The following FAM13C variants were observed in gnomAD, a reference collection of about 807,000 sequenced individuals.
The protein encoded by FAM13C is protein FAM13C.
Under a neutral mutation model 73.2 loss-of-function variants are expected in FAM13C, and 37 were observed. The observed-to-expected ratio is 0.51, with a 90% CI of 0.39 to 0.67. The LOEUF (loss-of-function observed/expected upper bound fraction) is 0.67. Among genes scored for constraint, FAM13C ranks in the 30% least tolerant of loss-of-function variants. The probability of loss-of-function intolerance (pLI) is 0.00; values close to 1 mark genes in which losing one functional copy is unlikely to be tolerated. For synonymous variants in FAM13C, 246 were observed against 260.9 expected, an observed-to-expected ratio of 0.94 and a Z score of 0.55; for missense variants, 589 against 715.6, an observed-to-expected ratio of 0.82 and a Z score of 2.02.
chr10:59,344,504 G>A (rs540220278), intron 3 of FAM13C, among the ~76,000 whole-genome samples: 21 of 150,900 alleles, frequency 1.4e-4, no homozygotes, highest in African/African-American at 2.0e-4. Flanking sequence ...GAATGGTCTC[G>A]ATCTCCTGAC....
At chr10:59,306,421 T>C (rs1210426003) in intron 4 of FAM13C, among the ~76,000 whole-genome samples, 1 of 152,218 alleles carries the variant, frequency 6.6e-6, no homozygotes, top group African/African-American at 2.4e-5. Context: ...GTCTACTGTG[T>C]GCCTGGTCCA....
intron 3 of FAM13C, among the ~76,000 whole-genome samples, chr10:59,345,630 A>G (rs1854198116): frequency 6.6e-6 from 1 of 152,184 alleles, no homozygotes; most frequent in East Asian, 1.9e-4. Flanking sequence ...AATCTGATAG[A>G]CCACAGGAAA....
At chr10:59,290,992 C>A (rs1005913732) in intron 5 of FAM13C, among the ~76,000 whole-genome samples, 1 of 152,146 alleles carries the variant, frequency 6.6e-6, no homozygotes, top group Non-Finnish European at 1.5e-5. Context: ...GTGCCCATTC[C>A]AGAGATTCTG....
intron 3 of FAM13C, among the ~76,000 whole-genome samples, chr10:59,325,893 A>G (rs1341344572): frequency 1.3e-5 from 2 of 152,170 alleles, no homozygotes; most frequent in African/African-American, 4.8e-5. Flanking sequence ...TCACATTTCT[A>G]TACTAATAGC....
At chr10:59,258,420 C>T (rs922532765) in intron 10 of FAM13C, among the ~76,000 whole-genome samples, 1 of 152,154 alleles carries the variant, frequency 6.6e-6, no homozygotes, top group Non-Finnish European at 1.5e-5. Flanking sequence ...GAGTTCATGG[C>T]TGCAGTGAGC....
At chr10:59,330,155 T>C (rs141835889) in intron 3 of FAM13C, among the ~76,000 whole-genome samples, 102 of 152,324 alleles carry the variant, frequency 6.7e-4, no homozygotes, top group African/African-American at 2.3e-3. Context: ...ATTGCATTAA[T>C]TCGAGTTGTT....
At chr10:59,339,923 C>T (rs1286231540) in intron 3 of FAM13C, among the ~76,000 whole-genome samples, 2 of 152,172 alleles carry the variant, frequency 1.3e-5, no homozygotes, top group Non-Finnish European at 2.9e-5. Flanking sequence ...TGAAGATAGG[C>T]TTTTTAGTCT....
At chr10:59,268,226 A>G (rs540419813) in intron 8 of FAM13C, among the ~76,000 whole-genome samples, 15 of 151,210 alleles carry the variant, frequency 9.9e-5, no homozygotes, top group Non-Finnish European at 1.5e-4. Flanking sequence ...GAAAAAAGAA[A>G]AAGAAGAAGA....
intron 6 of FAM13C, among the ~76,000 whole-genome samples, chr10:59,281,924 T>C (rs1844966071): frequency 6.6e-6 from 1 of 152,264 alleles, no homozygotes; most frequent in Non-Finnish European, 1.5e-5. Flanking sequence ...TTATGTGTTT[T>C]GTATTAAATA....
chr10:59,289,465 G>A (rs969685050), intron 5 of FAM13C, among the ~76,000 whole-genome samples: 1 of 152,178 alleles, frequency 6.6e-6, no homozygotes, highest in Admixed American at 6.5e-5. Flanking sequence ...TGCAGAGTTC[G>A]TGTCCACCTT....
chr10:59,266,669 A>G lies in FAM13C; in HGVS notation c.942+1884T>C, dbSNP rs1002036676. Among the ~76,000 whole-genome samples, 9 of 152,244 alleles carry G rather than the reference A, an allele frequency of 5.9e-5. No individual in the cohort carries two copies. In the South Asian group the frequency reaches 1.2e-3, roughly 21 times the overall value. ...TCCTTCCATATGTGTATTTAAGTCT[A>G]TGTTTGTGTGTGTGTACATGTGTGT... On this transcript the variant is annotated intron_variant, in intron 8 of 13. Coordinates refer to ENST00000618804, the MANE Select transcript of FAM13C (RefSeq NM_198215.4).
chr10:59,333,485 C>T (rs1852286341), intron 3 of FAM13C, among the ~76,000 whole-genome samples: 1 of 152,088 alleles, frequency 6.6e-6, no homozygotes, highest in African/African-American at 2.4e-5. Flanking sequence ...AAGATTCCAT[C>T]TCAAAAAAAT....
intron 4 of FAM13C, among the ~76,000 whole-genome samples, chr10:59,318,430 T>C (rs1211294162): frequency 6.6e-6 from 1 of 152,188 alleles, no homozygotes; most frequent in Non-Finnish European, 1.5e-5. Flanking sequence ...TCGTATTCTT[T>C]AGCTATAGCC....
chr10:59,267,223 C>T (rs535945561), intron 8 of FAM13C, among the ~76,000 whole-genome samples: 72 of 152,336 alleles, frequency 4.7e-4, no homozygotes, highest in South Asian at 1.9e-3. Flanking sequence ...TCCAGTAACA[C>T]GCCAGCAGCA....
intron 11 of FAM13C, 123 bp downstream of exon 11, chr10:59,254,224 AC>A: frequency 5.3e-6 from 3 of 561,238 alleles, no homozygotes; most frequent in Non-Finnish European, 8.8e-6. Flanking sequence ...TTTTGAAATG[AC>A]AACTAGCCTT....
intron 10 of FAM13C, among the ~76,000 whole-genome samples, chr10:59,259,639 T>G (rs1403455427): frequency 6.6e-6 from 1 of 152,216 alleles, no homozygotes; most frequent in Non-Finnish European, 1.5e-5. Context: ...TTAAAGGGCC[T>G]AACTTTAGCC....
At chr10:59,290,936 C>T (rs1182772295) in intron 5 of FAM13C, among the ~76,000 whole-genome samples, 1 of 152,180 alleles carries the variant, frequency 6.6e-6, no homozygotes, top group African/African-American at 2.4e-5. Context: ...CCTTAAAGTG[C>T]TTAAAAATCA....
rs1377498451 is a variant in FAM13C at position 59,253,016 on chromosome 10, T to G, written c.1333-18A>C. On this transcript the variant is annotated intron_variant, in intron 11 of 13. Coordinates refer to ENST00000618804, the MANE Select transcript of FAM13C (RefSeq NM_198215.4). ...TCCTCCTGCTTATCACAGGCAGAGTTAAAGAAAGAAAGTCATGTAATGCTC... is the reference window on the plus strand; with the variant it reads ...TCCTCCTGCTTATCACAGGCAGAGTGAAAGAAAGAAAGTCATGTAATGCTC... The G allele has an allele frequency of 1.9e-6, 3 of 1,612,196 alleles. No individual in the cohort carries two copies. The African/African-American group carries it at 4.0e-5, about 22-fold the overall frequency.
chr10:59,252,987 C>T lies in FAM13C; in HGVS notation c.1344G>A (p.Glu448=), dbSNP rs779907338. The stretch of plus-strand genomic sequence containing the variant: ...CCTGTGGACGGTCTTCATCAGAGTC[C>T]TCTTCCTCCTGCTTATCACAGGCAG... ...PSLIPTIQEE[E]DSDEDRPQGS... The change falls in exon 12 of 14, where the codon GAG becomes GAA. Residue 448 remains glutamate, a synonymous_variant. Transcript: ENST00000618804. 1.2e-6 allele frequency: 2 copies of T among 1,613,478 alleles called. No individual in the cohort carries two copies. Among genetic ancestry groups the T allele is most frequent in the East Asian group, 2.2e-5 (1 of 44,874 alleles).
Sources: allele counts gnomAD v4.1 joint callset (sites outside exome capture counted in the v4.1 genomes callset), GRCh38; gene constraint gnomAD v4.1.1; transcripts MANE v1.5; gene names NCBI Gene and HGNC (gene_info 2026-07-23, HGNC 2026-07-21).